The following ARG2 variants were observed in gnomAD, a reference collection of about 807,000 sequenced individuals.
The protein encoded by ARG2 is arginase-2, mitochondrial.
ARG2 carries 21 observed loss-of-function variants against 39.4 expected under a neutral mutation model. That is an observed-to-expected ratio of 0.53 (90% CI 0.38 to 0.77). The LOEUF is 0.77. Ranked by LOEUF, ARG2 falls within the 30% of genes least tolerant of loss-of-function variation. ARG2 has a pLI of 0.00. For missense variants in ARG2, 378 were observed against 426.2 expected (o/e 0.89, Z 1.00); for synonymous variants, 150 against 156.7 (o/e 0.96, Z 0.32).
chr14:67,626,620 A>C (rs1332259989), intron 2 of ARG2, among the ~76,000 whole-genome samples: 1 of 152,050 alleles, frequency 6.6e-6, no homozygotes, highest in Non-Finnish European at 1.5e-5. Flanking sequence ...ACAGGCAAGC[A>C]CCACCATGCC....
At chr14:67,644,177 G>A (rs1042404614) in intron 3 of ARG2, among the ~76,000 whole-genome samples, 2 of 152,214 alleles carry the variant, frequency 1.3e-5, no homozygotes, top group Non-Finnish European at 2.9e-5. Flanking sequence ...TAGAGAGGAA[G>A]AGATAAGTGC....
chr14:67,625,521 C>A (rs10150006), intron 2 of ARG2, among the ~76,000 whole-genome samples: 4,610 of 149,926 alleles, frequency 0.031, 223 homozygotes, highest in African/African-American at 0.1. Context: ...ACTAAAAATA[C>A]AAAAAAAAAT....
chr14:67,624,635 T>C (rs2036844560), intron 2 of ARG2, among the ~76,000 whole-genome samples: 1 of 152,060 alleles, frequency 6.6e-6, no homozygotes, highest in African/African-American at 2.4e-5. Flanking sequence ...GCTGAACCAT[T>C]AGGAACAACC....
In ARG2 at chr14:67,646,654, TC is replaced by T. The variant is rs747158241; in HGVS notation, c.536del (p.Pro179GlnfsTer20). On this transcript the variant is annotated frameshift_variant, in exon 5 of 8. Coordinates refer to ENST00000261783, the MANE Select transcript of ARG2 (RefSeq NM_001172.4). LOFTEE classifies it high-confidence loss of function. ...TTCTCCCTTTCATAGGTACCACAAC[TC>T]CCAGGATTTTCCTGGATCAAACCTT... Reference protein sequence around the residue: ...LRELQDKVPQLPGFSWIKPCI... With the variant: ...LRELQDKVPQXPGFSWIKPCI... The T allele has an allele frequency of 6.8e-6, 11 of 1,610,728 alleles. No homozygotes were observed. The East Asian group carries it at 2.5e-4, about 36-fold the overall frequency.
intron 3 of ARG2, among the ~76,000 whole-genome samples, chr14:67,644,108 T>C (rs2037067181): frequency 6.6e-6 from 1 of 152,220 alleles, no homozygotes; most frequent in Non-Finnish European, 1.5e-5. Flanking sequence ...TGGCTATCTA[T>C]ATTGCAGCCA....
rs1217095505 is a variant in ARG2 at position 67,641,154 on chromosome 14, C to A, written c.185-1032C>A. Among the ~76,000 whole-genome samples the A allele has an allele frequency of 3.9e-5, 6 of 152,256 alleles. No individual in the cohort carries two copies. The East Asian group carries it at 1.2e-3, about 29-fold the overall frequency. On this transcript the variant is annotated intron_variant, in intron 2 of 7. Transcript: ENST00000261783. ...ACCTTTGTTTTCTGATGGTTTAATG[C>A]ACACAAACTTTGTTTCATGCACAAG...
chr14:67,648,283 GA>G (rs1461425916), intron 7 of ARG2, 100 bp downstream of exon 7: 74 of 1,399,882 alleles, frequency 5.3e-5, no homozygotes, highest in Non-Finnish European at 6.9e-5. Context: ...CATCATTGCA[GA>G]GTTTGTTTTT....
chr14:67,631,938 A>C (rs1284158879), intron 2 of ARG2, among the ~76,000 whole-genome samples: 1 of 152,078 alleles, frequency 6.6e-6, no homozygotes, highest in Non-Finnish European at 1.5e-5. Context: ...GCAGTGGTGT[A>C]ATCTTGGCTC....
At chr14:67,635,692 A>G (rs1298287375) in intron 2 of ARG2, among the ~76,000 whole-genome samples, 1 of 152,154 alleles carries the variant, frequency 6.6e-6, no homozygotes, top group African/African-American at 2.4e-5. Context: ...GTCTCTACTG[A>G]AAATGCAAAA....
intron 2 of ARG2, among the ~76,000 whole-genome samples, chr14:67,638,455 G>A (rs374906716): frequency 3.3e-5 from 5 of 152,228 alleles, no homozygotes; most frequent in East Asian, 3.9e-4. Context: ...TGATATACAC[G>A]TTATCCAATT....
intron 2 of ARG2, among the ~76,000 whole-genome samples, chr14:67,631,359 T>A (rs780548408): frequency 3.3e-5 from 5 of 152,136 alleles, no homozygotes; most frequent in Non-Finnish European, 5.9e-5. Context: ...CCACTAATCT[T>A]TCTTTATTGA....
intron 2 of ARG2, among the ~76,000 whole-genome samples, chr14:67,625,157 TA>T (rs567895493): frequency 0.013 from 1,806 of 143,082 alleles, 64 homozygotes; most frequent in Admixed American, 0.082. Context: ...ATATCCACAT[TA>T]AAAAAAAAAA....
intron 2 of ARG2, among the ~76,000 whole-genome samples, chr14:67,622,415 C>T (rs1370792162): frequency 1.3e-5 from 2 of 152,158 alleles, no homozygotes; most frequent in African/African-American, 4.8e-5. Context: ...TATACCTCCA[C>T]CTACATATGG....
intron 2 of ARG2, among the ~76,000 whole-genome samples, chr14:67,622,463 T>A (rs1393025551): frequency 6.6e-6 from 1 of 152,218 alleles, no homozygotes; most frequent in African/African-American, 2.4e-5. Flanking sequence ...ACCTTGTTTA[T>A]TAAATAATTG....
chr14:67,647,137 T>A, intron 6 of ARG2, 112 bp downstream of exon 6: 1 of 713,174 alleles, frequency 1.4e-6, no homozygotes, highest in Non-Finnish European at 2.3e-6. Context: ...AACATACACA[T>A]AATTTTAAAT....
At chr14:67,624,602 T>G (rs1379753949) in intron 2 of ARG2, among the ~76,000 whole-genome samples, 1 of 152,116 alleles carries the variant, frequency 6.6e-6, no homozygotes, top group Non-Finnish European at 1.5e-5. Context: ...AACTCTATCA[T>G]GAGACAGCAC....
intron 2 of ARG2, among the ~76,000 whole-genome samples, chr14:67,631,398 C>G (rs1209412209): frequency 6.6e-6 from 1 of 150,900 alleles, no homozygotes; most frequent in Non-Finnish European, 1.5e-5. Flanking sequence ...TTGGCTTCAA[C>G]TCTTCAAATT....
intron 2 of ARG2, among the ~76,000 whole-genome samples, chr14:67,638,203 C>T (rs769408524): frequency 6.6e-6 from 1 of 152,016 alleles, no homozygotes; most frequent in Non-Finnish European, 1.5e-5. Context: ...ACTCTAATAA[C>T]CTTACTTAAA....
In ARG2 at chr14:67,645,674, C is replaced by T. The variant is rs1476758734; in HGVS notation, c.394C>T (p.Arg132Ter). The T allele has an allele frequency of 9.3e-6, 15 of 1,613,710 alleles. No individual in the cohort carries two copies. The highest frequency in any genetic ancestry group is 6.7e-5 in the African/African-American group (5 of 74,854). The change falls in exon 4 of 8, where the codon CGA (arginine) becomes TGA (stop). Residue 132 changes from arginine to a stop codon, truncating the protein, a stop_gained. Coordinates refer to ENST00000261783, the MANE Select transcript of ARG2 (RefSeq NM_001172.4). LOFTEE classifies it high-confidence loss of function. Reference protein sequence around the residue: ...LAIGTISGHARHCPDLCVVWV... With the variant: ...LAIGTISGHA ...AATCGGTACCATTAGTGGCCATGCC[C>T]GACACTGCCCAGACCTTTGTGTTGT...
Sources: allele counts gnomAD v4.1 joint callset (sites outside exome capture counted in the v4.1 genomes callset), GRCh38; gene constraint gnomAD v4.1.1; transcripts MANE v1.5; gene names NCBI Gene and HGNC (gene_info 2026-07-23, HGNC 2026-07-21).